The following CPQ variants were observed in gnomAD, a reference collection of about 807,000 sequenced individuals.
CPQ encodes the protein carboxypeptidase Q.
In CPQ, 37 loss-of-function variants were observed where a neutral mutation model predicts 45.7. The observed-to-expected ratio is 0.81, with a 90% CI of 0.62 to 1.07. The LOEUF (loss-of-function observed/expected upper bound fraction) is 1.07, where lower values mean the gene tolerates loss of function less well. Among genes scored for constraint, CPQ ranks in the 50% least tolerant of loss-of-function variants. The probability of loss-of-function intolerance (pLI) is 0.00; values close to 1 mark genes in which losing one functional copy is unlikely to be tolerated. For synonymous variants in CPQ, 186 were observed against 205.8 expected (o/e 0.90, Z 0.82); for missense variants, 537 against 572.9 (o/e 0.94, Z 0.64).
At chr8:97,020,263 A>G (rs1809654876) in intron 5 of CPQ, among the ~76,000 whole-genome samples, 1 of 152,162 alleles carries the variant, frequency 6.6e-6, no homozygotes, top group African/African-American at 2.4e-5. Flanking sequence ...TTAAATGCCT[A>G]CATCAAAAAG....
intron 6 of CPQ, among the ~76,000 whole-genome samples, chr8:97,064,550 T>C (rs777734562): frequency 6.6e-6 from 1 of 152,178 alleles, no homozygotes; most frequent in Non-Finnish European, 1.5e-5. Context: ...AGCAGAAATA[T>C]GAACAGAGTT....
intron 7 of CPQ, among the ~76,000 whole-genome samples, chr8:97,117,877 C>T (rs1446559151): frequency 6.6e-6 from 1 of 152,120 alleles, no homozygotes; most frequent in Non-Finnish European, 1.5e-5. Context: ...CTGATTTCTA[C>T]ACACCCATTT....
intron 2 of CPQ, among the ~76,000 whole-genome samples, chr8:96,791,503 TGAGAC>T (rs1234889180): frequency 2.0e-5 from 3 of 152,208 alleles, no homozygotes; most frequent in African/African-American, 7.2e-5. Context: ...TGATTGCTCC[TGAGAC>T]CTTCAAAACC....
At chr8:96,838,569 A>G (rs561953797) in intron 3 of CPQ, among the ~76,000 whole-genome samples, 1 of 152,212 alleles carries the variant, frequency 6.6e-6, no homozygotes, top group African/African-American at 2.4e-5. Flanking sequence ...CCAGGGTGAA[A>G]GGAAAGTGAA....
At chr8:96,925,332 T>C (rs1173637434) in intron 4 of CPQ, among the ~76,000 whole-genome samples, 1 of 151,924 alleles carries the variant, frequency 6.6e-6, no homozygotes, top group Non-Finnish European at 1.5e-5. Context: ...GGCTACACCC[T>C]AGAACCCTAG....
intron 5 of CPQ, among the ~76,000 whole-genome samples, chr8:96,991,553 CATAATAATAATAATA>C (rs36215104): frequency 0.026 from 3,604 of 139,952 alleles, 94 homozygotes; most frequent in African/African-American, 0.055. Context: ...AAGAGTCTGT[CATAATAATAATAATA>C]ATAATAATAA....
chr8:96,900,367 C>T (rs951641988), intron 4 of CPQ, among the ~76,000 whole-genome samples: 24 of 152,132 alleles, frequency 1.6e-4, no homozygotes, highest in Non-Finnish European at 3.2e-4. Flanking sequence ...AAGCCATTTT[C>T]TGTTTTGTGG....
intron 4 of CPQ, among the ~76,000 whole-genome samples, chr8:96,926,447 C>T (rs1334164930): frequency 6.6e-6 from 1 of 152,098 alleles, no homozygotes; most frequent in Non-Finnish European, 1.5e-5. Flanking sequence ...TGGAATGCCT[C>T]CTATGTATTG....
At chr8:96,876,977 A>G (rs1812154371) in intron 3 of CPQ, among the ~76,000 whole-genome samples, 1 of 152,034 alleles carries the variant, frequency 6.6e-6, no homozygotes, top group African/African-American at 2.4e-5. Flanking sequence ...CTCCTCTTCT[A>G]TTTTTTGTAA....
chr8:96,997,025 A>G (rs1228435455), intron 5 of CPQ, among the ~76,000 whole-genome samples: 2 of 151,934 alleles, frequency 1.3e-5, no homozygotes, highest in Non-Finnish European at 2.9e-5. Flanking sequence ...AGAATTTATA[A>G]CTGCATCATA....
chr8:97,129,535 G>A (rs929775166), intron 7 of CPQ, among the ~76,000 whole-genome samples: 1 of 152,062 alleles, frequency 6.6e-6, no homozygotes, highest in Non-Finnish European at 1.5e-5. Context: ...TTATGATTTT[G>A]TTACTTGTTT....
At chr8:96,903,679 A>G (rs187161694) in intron 4 of CPQ, among the ~76,000 whole-genome samples, 3 of 152,312 alleles carry the variant, frequency 2.0e-5, no homozygotes, top group Non-Finnish European at 4.4e-5. Flanking sequence ...AGAGAAGAGA[A>G]GTAGCTGTCA....
chr8:96,878,981 C>A (rs542946670), intron 3 of CPQ, among the ~76,000 whole-genome samples: 61 of 152,214 alleles, frequency 4.0e-4, no homozygotes, highest in African/African-American at 1.4e-3. Flanking sequence ...GGAGCCACAC[C>A]TCAGGGGTGA....
intron 2 of CPQ, 32 bp from the exon 3 acceptor site, chr8:96,834,941 G>A (rs768239462): frequency 1.3e-6 from 2 of 1,594,428 alleles, no homozygotes; most frequent in Non-Finnish European, 1.7e-6. Context: ...ATGGGAAACT[G>A]TAAGTTAATC....
chr8:96,806,587 CAT>C (rs1811083106), intron 2 of CPQ, among the ~76,000 whole-genome samples: 2 of 152,148 alleles, frequency 1.3e-5, no homozygotes, highest in Non-Finnish European at 2.9e-5. Flanking sequence ...ACTGTAGTTA[CAT>C]ATGTCAGCCT....
intron 4 of CPQ, among the ~76,000 whole-genome samples, chr8:96,959,250 G>A (rs1813410436): frequency 6.6e-6 from 1 of 152,052 alleles, no homozygotes; most frequent in South Asian, 2.1e-4. Flanking sequence ...AGGTGCTCAG[G>A]GAAAAGTCTG....
intron 1 of CPQ, among the ~76,000 whole-genome samples, chr8:96,662,575 A>G (rs551147771): frequency 1.3e-5 from 2 of 152,264 alleles, no homozygotes; most frequent in East Asian, 3.9e-4. Context: ...ACTAAGCTTT[A>G]TTTTCCTGGG....
chr8:96,692,491 ACT>A (rs1434443636), intron 1 of CPQ, among the ~76,000 whole-genome samples: 2 of 151,268 alleles, frequency 1.3e-5, no homozygotes, highest in African/African-American at 4.9e-5. Context: ...GCATAGACAG[ACT>A]CTGTTTGTTT....
intron 2 of CPQ, among the ~76,000 whole-genome samples, chr8:96,794,789 A>G (rs749119334): frequency 6.6e-6 from 1 of 152,126 alleles, no homozygotes; most frequent in Non-Finnish European, 1.5e-5. Flanking sequence ...CTCAAGTTCA[A>G]AGTTCCACAA....
Sources: gnomAD v4.1 joint callset for allele counts (sites outside exome capture counted in the v4.1 genomes callset) on GRCh38, gnomAD v4.1.1 for gene constraint, MANE v1.5 for transcripts, NCBI Gene and HGNC (gene_info 2026-07-23, HGNC 2026-07-21) for gene names.